Variants in TRPC4 observed in about 807,000 individuals in gnomAD.
The protein encoded by TRPC4 is short transient receptor potential channel 4.
Under a neutral mutation model 99.4 loss-of-function variants are expected in TRPC4, and 49 were observed. The observed-to-expected ratio is 0.49, with a 90% CI of 0.39 to 0.63. The LOEUF (loss-of-function observed/expected upper bound fraction) is 0.63. Among genes scored for constraint, TRPC4 ranks in the 20% least tolerant of loss-of-function variants. The pLI is 0.00. For missense variants in TRPC4, 898 were observed against 1,152.9 expected, an observed-to-expected ratio of 0.78 and a Z score of 3.20; for synonymous variants, 454 against 425.9, an observed-to-expected ratio of 1.07 and a Z score of -0.81.
intron 1 of TRPC4, among the ~76,000 whole-genome samples, chr13:37,859,063 T>A (rs2139708207): frequency 6.6e-6 from 1 of 151,408 alleles, no homozygotes; most frequent in East Asian, 1.9e-4. Flanking sequence ...ATACACCTAC[T>A]ATGTACACAA....
intron 1 of TRPC4, among the ~76,000 whole-genome samples, chr13:37,811,243 A>G (rs1473543751): frequency 6.6e-6 from 1 of 152,172 alleles, no homozygotes; most frequent in Non-Finnish European, 1.5e-5. Flanking sequence ...AATACAAATC[A>G]ATATATGTTT....
At chr13:37,759,993 A>AT (rs2139234476) in intron 2 of TRPC4, among the ~76,000 whole-genome samples, 1 of 152,156 alleles carries the variant, frequency 6.6e-6, no homozygotes, top group African/African-American at 2.4e-5. Context: ...GCCATTGAAT[A>AT]TTTGAATTAG....
Position 37,692,023 on chromosome 13 carries a change from A to G in TRPC4, c.1210T>C (p.Trp404Arg). The G allele has an allele frequency of 6.2e-7, 1 of 1,613,750 alleles. No homozygotes were observed. Among genetic ancestry groups the G allele is most frequent in the Non-Finnish European group, 8.5e-7 (1 of 1,179,732 alleles). ...RQGPPPTIVE[W>R]MILPWVLGFI... ...CCCAGGACCCACGGTAATATCATCC[A>G]CTCGACGATGGTTGGTGGTGGACCT... is the stretch of plus-strand genomic sequence containing the variant. The change falls in exon 4 of 11, where the codon TGG (tryptophan) becomes CGG (arginine). Residue 404 changes from tryptophan (W) to arginine (R), a missense_variant. Trp to Arg is a moderately radical substitution (Grantham distance 101). This residue lies in a region of TRPC4 where 274 missense variants were observed against 454.9 expected (regional missense o/e 0.60). Transcript: ENST00000379705.
intron 6 of TRPC4, among the ~76,000 whole-genome samples, chr13:37,662,679 C>G (rs538042343): frequency 1.3e-4 from 20 of 152,284 alleles, no homozygotes; most frequent in Admixed American, 1.1e-3. Flanking sequence ...AATCACTTCA[C>G]TTATTAATTC....
At chr13:37,795,009 A>G (rs1351356726) in intron 1 of TRPC4, among the ~76,000 whole-genome samples, 1 of 152,166 alleles carries the variant, frequency 6.6e-6, no homozygotes, top group African/African-American at 2.4e-5. Flanking sequence ...AACATGTTTT[A>G]TAAGATGCAA....
chr13:37,835,365 G>T (rs80354531), intron 1 of TRPC4, among the ~76,000 whole-genome samples: 1,605 of 152,166 alleles, frequency 0.011, 21 homozygotes, highest in African/African-American at 0.037. Flanking sequence ...TGGTATTAAT[G>T]GTTCATGTAT....
chr13:37,798,539 T>C (rs1957313471), intron 1 of TRPC4, among the ~76,000 whole-genome samples: 1 of 152,174 alleles, frequency 6.6e-6, no homozygotes, highest in South Asian at 2.1e-4. Context: ...TCTCAAAGTG[T>C]CATGATACTA....
chr13:37,779,390 A>C (rs1956782449), intron 2 of TRPC4, among the ~76,000 whole-genome samples: 1 of 151,820 alleles, frequency 6.6e-6, no homozygotes, highest in African/African-American at 2.4e-5. Flanking sequence ...GCTGTCTCCT[A>C]TGGGAAAGAA....
chr13:37,755,392 A>G (rs1956070966), intron 2 of TRPC4, among the ~76,000 whole-genome samples: 1 of 151,662 alleles, frequency 6.6e-6, no homozygotes, highest in Admixed American at 6.6e-5. Context: ...AATAATTGGG[A>G]CTACAGGCAT....
At position 37,764,137 on chromosome 13, in the gene TRPC4, C is replaced by A. The variant is rs530195724; in HGVS notation, c.379-17682G>T. 2.0e-5 allele frequency among the ~76,000 whole-genome samples: 3 copies of A among 151,550 alleles called. No individual in the cohort carries two copies. In the Admixed American group the frequency reaches 2.0e-4, roughly 10 times the overall value. On this transcript the variant is annotated intron_variant, in intron 2 of 10. Transcript: ENST00000379705. ...AGCAACAGCTGAGTATGAACAAGGCCCAGTGGTGTGACGGATGCCTGCAAG... is the reference window on the plus strand; with the variant it reads ...AGCAACAGCTGAGTATGAACAAGGCACAGTGGTGTGACGGATGCCTGCAAG...
chr13:37,730,499 A>G (rs1770691842), intron 3 of TRPC4, among the ~76,000 whole-genome samples: 1 of 152,000 alleles, frequency 6.6e-6, no homozygotes, highest in African/African-American at 2.4e-5. Flanking sequence ...ATAACTCCAG[A>G]GAAGTAGTTC....
chr13:37,691,972 T>C (rs776123336), intron 4 of TRPC4, 27 bp downstream of exon 4: 1 of 1,571,942 alleles, frequency 6.4e-7, no homozygotes, highest in South Asian at 1.1e-5. Context: ...CATGTTTTTA[T>C]TATATTTTCT....
In TRPC4 at chr13:37,746,240, G is replaced by A. The variant is rs1388031609; in HGVS notation, c.594C>T (p.Asn198=). 1.2e-6 allele frequency: 2 copies of A among 1,613,754 alleles called. No homozygotes were observed. Among genetic ancestry groups the A allele is most frequent in the Non-Finnish European group, 1.7e-6 (2 of 1,179,902 alleles). Residue 198 remains asparagine (N), a synonymous_variant, in exon 3 of 11, where the codon AAC becomes AAT. Transcript: ENST00000379705. ...DSLRHSRSRL[N]IYKALASPSL... is the part of the protein sequence containing the mutation. ...AGGGACTGGCCAAGGCCTTGTAGAT[G>A]TTGAGTCTGGAGCGTGAGTGACGGA...
intron 2 of TRPC4, among the ~76,000 whole-genome samples, chr13:37,762,815 T>C (rs1218017905): frequency 6.7e-6 from 1 of 150,134 alleles, no homozygotes; most frequent in Non-Finnish European, 1.5e-5. Flanking sequence ...CATGTATACA[T>C]ATGTAACTAA....
At chr13:37,720,691 T>C (rs1263153961) in intron 3 of TRPC4, among the ~76,000 whole-genome samples, 1 of 152,202 alleles carries the variant, frequency 6.6e-6, no homozygotes, top group Non-Finnish European at 1.5e-5. Context: ...TGTACTGTTA[T>C]ACAAGTTTTA....
intron 1 of TRPC4, among the ~76,000 whole-genome samples, chr13:37,866,461 A>T (rs892309164): frequency 7.5e-6 from 1 of 134,186 alleles, no homozygotes; most frequent in African/African-American, 2.7e-5. Context: ...ACAGCACTTA[A>T]TTTGCTAAAT....
intron 2 of TRPC4, among the ~76,000 whole-genome samples, chr13:37,782,497 C>T (rs1323366371): frequency 6.6e-6 from 1 of 152,000 alleles, no homozygotes; most frequent in East Asian, 1.9e-4. Flanking sequence ...GATGGTGCAA[C>T]TCACTTTTGC....
intron 2 of TRPC4, among the ~76,000 whole-genome samples, chr13:37,778,319 T>C (rs1241085886): frequency 6.6e-6 from 1 of 151,970 alleles, no homozygotes; most frequent in African/African-American, 2.4e-5. Flanking sequence ...GAGATAGCAA[T>C]AGGACCTACT....
chr13:37,775,828 G>A (rs1956684673), intron 2 of TRPC4, among the ~76,000 whole-genome samples: 1 of 151,194 alleles, frequency 6.6e-6, no homozygotes, highest in South Asian at 2.1e-4. Context: ...AGTGGTAAAT[G>A]CCTTTCACTC....
Sources: gnomAD v4.1 joint callset for allele counts (sites outside exome capture counted in the v4.1 genomes callset) on GRCh38, gnomAD v4.1.1 for gene constraint, gnomAD v4.1.1 regional missense constraint, MANE v1.5 for transcripts, NCBI Gene and HGNC (gene_info 2026-07-23, HGNC 2026-07-21) for gene names.